Variants in MACROD2 observed in about 807,000 individuals in gnomAD.
MACROD2 encodes mono-ADP ribosylhydrolase 2.
Under a neutral mutation model 70.4 loss-of-function variants are expected in MACROD2, and 36 were observed. The observed-to-expected ratio is 0.51, with a 90% CI of 0.39 to 0.68. The LOEUF (loss-of-function observed/expected upper bound fraction) is 0.68, where lower values mean the gene tolerates loss of function less well. Ranked by LOEUF, MACROD2 falls within the 30% of genes least tolerant of loss-of-function variation. The pLI is 0.00. For synonymous variants in MACROD2, 172 were observed against 178.8 expected, an observed-to-expected ratio of 0.96 and a Z score of 0.30; for missense variants, 496 against 538.4, an observed-to-expected ratio of 0.92 and a Z score of 0.78.
At chr20:15,338,317 A>G (rs915460163) in intron 6 of MACROD2, among the ~76,000 whole-genome samples, 2 of 151,632 alleles carry the variant, frequency 1.3e-5, no homozygotes, top group Admixed American at 6.6e-5. Flanking sequence ...TTTTCTTCAT[A>G]TGCTGATGAA....
chr20:15,813,183 A>G (rs1188310719), intron 8 of MACROD2, among the ~76,000 whole-genome samples: 1 of 152,130 alleles, frequency 6.6e-6, no homozygotes, highest in Non-Finnish European at 1.5e-5. Context: ...TAGAAACCCA[A>G]CTTGAATTCT....
At chr20:15,645,646 G>A (rs2049529867) in intron 8 of MACROD2, among the ~76,000 whole-genome samples, 1 of 152,178 alleles carries the variant, frequency 6.6e-6, no homozygotes, top group African/African-American at 2.4e-5. Context: ...GGTAAAATAG[G>A]TGGGAAGAAA....
intron 2 of MACROD2, among the ~76,000 whole-genome samples, chr20:14,043,594 CTGAG>C (rs1290730774): frequency 6.6e-6 from 1 of 152,178 alleles, no homozygotes; most frequent in Non-Finnish European, 1.5e-5. Flanking sequence ...TACTTATAGA[CTGAG>C]TGGGAAAACC....
At chr20:15,437,538 A>T (rs1321640574) in intron 7 of MACROD2, among the ~76,000 whole-genome samples, 3 of 152,188 alleles carry the variant, frequency 2.0e-5, no homozygotes, top group South Asian at 4.1e-4. Context: ...GGTACATGTG[A>T]AGGTTTGTCA....
In MACROD2 at chr20:15,950,641, T is replaced by C. The variant is rs547321502; in HGVS notation, c.907+13097T>C. Among the ~76,000 whole-genome samples the C allele has an allele frequency of 2.0e-5, 3 of 152,288 alleles. No homozygotes were observed. In the East Asian group the frequency reaches 5.8e-4, roughly 29 times the overall value. On this transcript the variant is annotated intron_variant, in intron 12 of 17. Transcript: ENST00000684519. Reference sequence around the variant, plus strand: ...AAAATGCTGGAAAACGGCACTTCCTTTGAAGTGAATTCAGATCTATAAGCA... The same window carrying C: ...AAAATGCTGGAAAACGGCACTTCCTCTGAAGTGAATTCAGATCTATAAGCA...
chr20:15,929,326 A>T (rs1351358942), intron 10 of MACROD2, among the ~76,000 whole-genome samples: 1 of 152,196 alleles, frequency 6.6e-6, no homozygotes. Context: ...TCCTTTGCTC[A>T]CATTCTCTCC....
chr20:15,871,830 T>G (rs2064588809), intron 9 of MACROD2, among the ~76,000 whole-genome samples: 1 of 152,190 alleles, frequency 6.6e-6, no homozygotes, highest in South Asian at 2.1e-4. Flanking sequence ...TGTCAATGTA[T>G]TATGCAATTG....
intron 8 of MACROD2, among the ~76,000 whole-genome samples, chr20:15,725,298 A>T (rs567153758): frequency 6.6e-6 from 1 of 152,140 alleles, no homozygotes; most frequent in Non-Finnish European, 1.5e-5. Context: ...TAACTCCTGT[A>T]CATATTTTGT....
chr20:15,345,716 T>C (rs1307035545), intron 6 of MACROD2, among the ~76,000 whole-genome samples: 1 of 152,196 alleles, frequency 6.6e-6, no homozygotes, highest in Non-Finnish European at 1.5e-5. Context: ...GTAAATTGAA[T>C]TAGCTACACA....
At chr20:14,760,334 T>C (rs1182684914) in intron 5 of MACROD2, among the ~76,000 whole-genome samples, 3 of 152,086 alleles carry the variant, frequency 2.0e-5, no homozygotes, top group Non-Finnish European at 4.4e-5. Context: ...TCACTTACTC[T>C]GGGGGTATCT....
intron 6 of MACROD2, among the ~76,000 whole-genome samples, chr20:15,322,256 G>T (rs949171816): frequency 7.0e-6 from 1 of 143,804 alleles, no homozygotes; most frequent in Non-Finnish European, 1.6e-5. Flanking sequence ...GATGGCAAAT[G>T]AGTTTAATTT....
chr20:14,047,430 G>A (rs866923961), intron 2 of MACROD2, among the ~76,000 whole-genome samples: 2 of 132,096 alleles, frequency 1.5e-5, no homozygotes, highest in Non-Finnish European at 3.1e-5. Context: ...ACTCCAGCCT[G>A]AGCAACAGAG....
At chr20:14,705,361 A>G (rs956295999) in intron 5 of MACROD2, among the ~76,000 whole-genome samples, 2 of 152,154 alleles carry the variant, frequency 1.3e-5, no homozygotes, top group African/African-American at 4.8e-5. Context: ...AAAAAAAAAT[A>G]ATGCCCCTCT....
At position 15,708,185 on chromosome 20, in the gene MACROD2, A is replaced by G. The variant is rs758979668; in HGVS notation, c.646-154560A>G. ...TCAAAATACATGTTGAGACTACTGTATATCATGGCCTATTCAAGACCCAGT... is the reference window on the plus strand; with the variant it reads ...TCAAAATACATGTTGAGACTACTGTGTATCATGGCCTATTCAAGACCCAGT... On this transcript the variant is annotated intron_variant, in intron 8 of 17. Transcript: ENST00000684519. Among the ~76,000 whole-genome samples, 12 of 152,184 alleles carry G rather than the reference A, an allele frequency of 7.9e-5. No individual in the cohort carries two copies. The South Asian group carries it at 8.3e-4, about 11-fold the overall frequency.
chr20:15,134,990 T>C (rs1291059847), intron 5 of MACROD2, among the ~76,000 whole-genome samples: 2 of 152,112 alleles, frequency 1.3e-5, no homozygotes, highest in African/African-American at 4.8e-5. Flanking sequence ...CCTCGACACA[T>C]ACACCCTCCC....
At chr20:14,045,616 C>T (rs1224851583) in intron 2 of MACROD2, among the ~76,000 whole-genome samples, 5 of 152,068 alleles carry the variant, frequency 3.3e-5, no homozygotes, top group Non-Finnish European at 1.5e-5. Context: ...GAAGTGCTTT[C>T]ATATTAAAAA....
chr20:15,701,747 G>A (rs1024898832), intron 8 of MACROD2, among the ~76,000 whole-genome samples: 7 of 152,160 alleles, frequency 4.6e-5, no homozygotes, highest in African/African-American at 1.7e-4. Flanking sequence ...GGTTTGGGGT[G>A]CAGATGGTCT....
At chr20:15,298,461 G>A (rs1324376277) in intron 6 of MACROD2, among the ~76,000 whole-genome samples, 2 of 152,172 alleles carry the variant, frequency 1.3e-5, no homozygotes, top group African/African-American at 2.4e-5. Context: ...GAGAGAGAGA[G>A]ACTGGCTGGC....
chr20:15,598,697 T>C (rs1265498422), intron 8 of MACROD2, among the ~76,000 whole-genome samples: 6 of 152,176 alleles, frequency 3.9e-5, no homozygotes, highest in Admixed American at 6.5e-5. Flanking sequence ...CCTATTGCCT[T>C]GGGGCCTGAC....
Sources: gnomAD v4.1 joint callset for allele counts (sites outside exome capture counted in the v4.1 genomes callset) on GRCh38, gnomAD v4.1.1 for gene constraint, MANE v1.5 for transcripts, NCBI Gene and HGNC (gene_info 2026-07-23, HGNC 2026-07-21) for gene names.